The following ZNF804B variants were observed in gnomAD, a reference collection of about 807,000 sequenced individuals.
ZNF804B encodes the protein zinc finger 804B.
ZNF804B carries 80 observed loss-of-function variants against 101.4 expected under a neutral mutation model. That is an observed-to-expected ratio of 0.79 (90% CI 0.66 to 0.95). ZNF804B has a LOEUF of 0.95. Ranked by LOEUF, ZNF804B falls within the 40% of genes least tolerant of loss-of-function variation. The probability of loss-of-function intolerance (pLI) is 0.00; values close to 1 mark genes in which losing one functional copy is unlikely to be tolerated. For synonymous variants in ZNF804B, 622 were observed against 558.8 expected (o/e 1.11, Z -1.59); for missense variants, 1,673 against 1,561.9 (o/e 1.07, Z -1.20).
intron 2 of ZNF804B, among the ~76,000 whole-genome samples, chr7:89,231,334 G>T (rs58193868): frequency 0.017 from 2,517 of 151,996 alleles, 70 homozygotes; most frequent in African/African-American, 0.057. Flanking sequence ...CCATTACCAC[G>T]CTATCTTATT....
intron 2 of ZNF804B, among the ~76,000 whole-genome samples, chr7:89,220,082 C>CGT (rs1788975310): frequency 4.5e-5 from 2 of 44,090 alleles, no homozygotes; most frequent in African/African-American, 2.1e-4. Context: ...TGTGTATATA[C>CGT]ATATATATAC....
intron 1 of ZNF804B, among the ~76,000 whole-genome samples, chr7:89,206,046 G>A (rs183712634): frequency 6.8e-4 from 103 of 152,292 alleles, no homozygotes; most frequent in African/African-American, 2.5e-3. Flanking sequence ...AGCTGCCAAG[G>A]CTTGGGGCTT....
intron 2 of ZNF804B, among the ~76,000 whole-genome samples, chr7:89,302,315 C>G (rs1206027534): frequency 6.6e-6 from 1 of 151,800 alleles, no homozygotes; most frequent in Admixed American, 6.6e-5. Flanking sequence ...GAGAGTTAAG[C>G]CTCAGCTCTC....
chr7:89,285,522 C>CAAA (rs778078214), intron 2 of ZNF804B, among the ~76,000 whole-genome samples: 470 of 22,298 alleles, frequency 0.021, 14 homozygotes, highest in Middle Eastern at 0.033. Context: ...GACTCTGTCT[C>CAAA]AAAAAAAAAA....
intron 1 of ZNF804B, chr7:88,794,146 C>T: frequency 1.3e-6 from 2 of 1,540,398 alleles, no homozygotes; most frequent in Non-Finnish European, 1.8e-6. Context: ...AGCACAAACT[C>T]CTTAAGAGAC....
chr7:89,291,593 A>T (rs1313401189), intron 2 of ZNF804B, among the ~76,000 whole-genome samples: 1 of 152,142 alleles, frequency 6.6e-6, no homozygotes, highest in Non-Finnish European at 1.5e-5. Context: ...ACACAAAAGA[A>T]AAAAGAATAA....
chr7:89,217,547 G>A (rs549905971), intron 1 of ZNF804B, among the ~76,000 whole-genome samples: 4 of 152,168 alleles, frequency 2.6e-5, no homozygotes, highest in South Asian at 4.1e-4. Context: ...AATCAAAAGA[G>A]GATTTTAAGC....
chr7:89,015,070 G>T (rs556539479), intron 1 of ZNF804B, among the ~76,000 whole-genome samples: 1 of 152,092 alleles, frequency 6.6e-6, no homozygotes, highest in Non-Finnish European at 1.5e-5. Flanking sequence ...TCTGCATATA[G>T]ATATCAAGTG....
intron 2 of ZNF804B, among the ~76,000 whole-genome samples, chr7:89,324,149 G>A (rs1182036879): frequency 2.0e-5 from 3 of 150,962 alleles, no homozygotes; most frequent in Non-Finnish European, 4.4e-5. Flanking sequence ...TATTGGATTT[G>A]CAATTAGTAT....
intron 1 of ZNF804B, among the ~76,000 whole-genome samples, chr7:89,154,688 G>GT (rs1790929746): frequency 6.6e-6 from 1 of 152,044 alleles, no homozygotes; most frequent in South Asian, 2.1e-4. Context: ...GACATAATGA[G>GT]TAAAAGGATG....
At chr7:88,821,410 A>G (rs532610556) in intron 1 of ZNF804B, among the ~76,000 whole-genome samples, 23 of 152,346 alleles carry the variant, frequency 1.5e-4, no homozygotes, top group African/African-American at 5.3e-4. Context: ...TGTGTTGCCA[A>G]TAATTACAAA....
intron 1 of ZNF804B, among the ~76,000 whole-genome samples, chr7:89,209,585 T>TA (rs1442011643): frequency 1.3e-5 from 2 of 152,208 alleles, no homozygotes; most frequent in South Asian, 2.1e-4. Flanking sequence ...AGAATCTACA[T>TA]AAAAAAGATT....
chr7:89,228,907 C>T (rs1164386938), intron 2 of ZNF804B, among the ~76,000 whole-genome samples: 2 of 152,182 alleles, frequency 1.3e-5, no homozygotes, highest in African/African-American at 4.8e-5. Context: ...GGTCCGGAGC[C>T]CTGCCCCGCG....
intron 1 of ZNF804B, among the ~76,000 whole-genome samples, chr7:89,161,695 A>T (rs1255912777): frequency 8.4e-6 from 1 of 118,444 alleles, no homozygotes; most frequent in African/African-American, 2.9e-5. Context: ...TGGCCTTAAT[A>T]GGCAAGTTTT....
chr7:89,278,067 T>C (rs1181037878), intron 2 of ZNF804B, among the ~76,000 whole-genome samples: 3 of 152,320 alleles, frequency 2.0e-5, no homozygotes, highest in African/African-American at 7.2e-5. Flanking sequence ...TGATATCTCA[T>C]TGTGGTTTTG....
At chr7:88,772,912 T>C (rs1463395307) in intron 1 of ZNF804B, among the ~76,000 whole-genome samples, 2 of 152,148 alleles carry the variant, frequency 1.3e-5, no homozygotes, top group Admixed American at 6.6e-5. Context: ...AGGTCTTGAA[T>C]GGTGAAAGCT....
At chr7:88,968,808 A>G (rs928668380) in intron 1 of ZNF804B, among the ~76,000 whole-genome samples, 1 of 151,656 alleles carries the variant, frequency 6.6e-6, no homozygotes, top group African/African-American at 2.4e-5. Flanking sequence ...TACCTCAGGT[A>G]GTTCACAATA....
chr7:89,115,462 T>C (rs1790295167), intron 1 of ZNF804B, among the ~76,000 whole-genome samples: 1 of 152,080 alleles, frequency 6.6e-6, no homozygotes, highest in Non-Finnish European at 1.5e-5. Flanking sequence ...AACACATAGA[T>C]GAGATTACAG....
rs796944600 is a variant in ZNF804B, at chr7:89,272,819, A to G, written c.249+54524A>G. Among the ~76,000 whole-genome samples the G allele has an allele frequency of 3.5e-4, 53 of 152,210 alleles. 1 individual carries two copies. The highest frequency in any genetic ancestry group is 1.2e-3 in the African/African-American group (51 of 41,548). On this transcript the variant is annotated intron_variant, in intron 2 of 3. Coordinates refer to ENST00000333190, the MANE Select transcript of ZNF804B (RefSeq NM_181646.5). ...ACCATCAGATCAGGAAAACAAAACA[A>G]GCGTTTAATTAACTGTCTTAGACAG...
Sources: allele counts gnomAD v4.1 joint callset (sites outside exome capture counted in the v4.1 genomes callset), GRCh38; gene constraint gnomAD v4.1.1; transcripts MANE v1.5; gene names NCBI Gene and HGNC (gene_info 2026-07-23, HGNC 2026-07-21).